The following TBC1D5 variants were observed in gnomAD, a reference collection of about 807,000 sequenced individuals.
The protein encoded by TBC1D5 is TBC1 domain family member 5, also known as TBC1 domain family, member 5.
TBC1D5 carries 75 observed loss-of-function variants against 100.3 expected under a neutral mutation model. That is an observed-to-expected ratio of 0.75 (90% CI 0.62 to 0.91). The LOEUF (loss-of-function observed/expected upper bound fraction) is 0.91. Ranked by LOEUF, TBC1D5 falls within the 40% of genes least tolerant of loss-of-function variation. The pLI is 0.00. For missense variants in TBC1D5, 910 were observed against 942.4 expected (o/e 0.97, Z 0.45); for synonymous variants, 323 against 325.6 (o/e 0.99, Z 0.09).
Position 17,404,888 on chromosome 3 carries a change from C to T in TBC1D5, c.350G>A (p.Ser117Asn). Residue 117 changes from serine (S) to asparagine (N), a missense_variant, in exon 6 of 22, where the codon AGC becomes AAC. Coordinates refer to ENST00000253692, the Ensembl canonical transcript of TBC1D5. The stretch of plus-strand genomic sequence containing the variant: ...TTTACTTACTATTTCTTTAATGTTG[C>T]TATACCATGCTCTTAATTCTTCAAT... The T allele has an allele frequency of 6.3e-7, 1 of 1,594,154 alleles. No individual in the cohort carries two copies. The highest frequency in any genetic ancestry group is 1.7e-5 in the Admixed American group (1 of 58,622).
chr3:17,489,611 G>A (rs2095613127), intron 3 of TBC1D5, among the ~76,000 whole-genome samples: 1 of 152,108 alleles, frequency 6.6e-6, no homozygotes, highest in African/African-American at 2.4e-5. Context: ...AATTTGCTGA[G>A]GATAATGGCT....
At chr3:17,716,013 T>G (rs905104452) in intron 1 of TBC1D5, among the ~76,000 whole-genome samples, 1 of 151,936 alleles carries the variant, frequency 6.6e-6, no homozygotes, top group Non-Finnish European at 1.5e-5. Flanking sequence ...GACCATGCCG[T>G]TGGACTCCAG....
intron 3 of TBC1D5, among the ~76,000 whole-genome samples, chr3:17,479,358 G>A (rs1427492915): frequency 3.3e-5 from 5 of 152,134 alleles, no homozygotes; most frequent in Non-Finnish European, 5.9e-5. Context: ...AACTGTGATC[G>A]CACCACTGTG....
intron 1 of TBC1D5, among the ~76,000 whole-genome samples, chr3:17,713,167 A>G (rs1196737462): frequency 6.6e-6 from 1 of 152,160 alleles, no homozygotes; most frequent in Non-Finnish European, 1.5e-5. Context: ...TGACACCAAA[A>G]GTATAAATAA....
rs2083594723 is a variant in TBC1D5, at chr3:17,308,147, A to G, written c.996-13T>C. The G allele has an allele frequency of 6.4e-7, 1 of 1,565,060 alleles. No homozygotes were observed. Among genetic ancestry groups the G allele is most frequent in the South Asian group, 1.2e-5 (1 of 82,582 alleles). On this transcript the variant is annotated splice_polypyrimidine_tract_variant and intron_variant, in intron 13 of 21. Coordinates refer to ENST00000253692, the Ensembl canonical transcript of TBC1D5. ...CCGCACCCACCTTCTGGAAAGAAAC[A>G]AAACAAAAATTCAGAAGACAGTACT...
chr3:17,173,090 G>A (rs1438459656), intron 19 of TBC1D5, among the ~76,000 whole-genome samples: 2 of 152,120 alleles, frequency 1.3e-5, no homozygotes, highest in Admixed American at 6.5e-5. Flanking sequence ...TCATTTGTAC[G>A]TGCCATGTTA....
At chr3:17,497,087 GACACACACACACACACACACACAC>G (rs71049202) in intron 3 of TBC1D5, among the ~76,000 whole-genome samples, 7 of 128,988 alleles carry the variant, frequency 5.4e-5, no homozygotes, top group Non-Finnish European at 9.8e-5. Context: ...CTCTCTCTCT[GACACACACACACACACACACACAC>G]ACACACACAC....
chr3:17,545,088 G>T (rs1313678863), intron 2 of TBC1D5, among the ~76,000 whole-genome samples: 1 of 151,808 alleles, frequency 6.6e-6, no homozygotes, highest in Non-Finnish European at 1.5e-5. Flanking sequence ...TAAAAGCTGT[G>T]ATTTTTTTTT....
chr3:17,401,193 C>T (rs980006720), intron 8 of TBC1D5, among the ~76,000 whole-genome samples: 5 of 151,206 alleles, frequency 3.3e-5, no homozygotes, highest in Admixed American at 2.0e-4. Context: ...AGTAGAGATA[C>T]ATTTTAAGAA....
intron 15 of TBC1D5, among the ~76,000 whole-genome samples, chr3:17,281,337 A>G (rs1236846920): frequency 6.6e-6 from 1 of 152,192 alleles, no homozygotes; most frequent in African/African-American, 2.4e-5. Flanking sequence ...AAAAACAACT[A>G]AGTAAATAAA....
intron 3 of TBC1D5, among the ~76,000 whole-genome samples, chr3:17,454,395 T>C (rs2095002523): frequency 6.6e-6 from 1 of 152,174 alleles, no homozygotes; most frequent in African/African-American, 2.4e-5. Context: ...AAAAAAAAAC[T>C]AGTAGAACTG....
At chr3:17,498,269 G>GA (rs948201254) in intron 3 of TBC1D5, among the ~76,000 whole-genome samples, 18 of 150,058 alleles carry the variant, frequency 1.2e-4, no homozygotes, top group African/African-American at 3.4e-4. Context: ...AGTATTGTAT[G>GA]AAAAAAAAAT....
rs530587755 is a variant in TBC1D5, at chr3:17,693,363, C to T, written c.-101+45980G>A. ...CCGTGACAGACTGTACCTGGAAAAACGTAACACTCCCACCCAAAAACTGCG... is the reference window on the plus strand; with the variant it reads ...CCGTGACAGACTGTACCTGGAAAAATGTAACACTCCCACCCAAAAACTGCG... On this transcript the variant is annotated intron_variant, in intron 1 of 21. Coordinates refer to ENST00000253692, the Ensembl canonical transcript of TBC1D5. 1.2e-4 allele frequency among the ~76,000 whole-genome samples: 18 copies of T among 152,328 alleles called. No homozygotes were observed. In the South Asian group the frequency reaches 3.1e-3, roughly 26 times the overall value.
intron 16 of TBC1D5, among the ~76,000 whole-genome samples, chr3:17,251,708 A>G (rs929175191): frequency 1.3e-5 from 2 of 152,200 alleles, no homozygotes; most frequent in Admixed American, 6.5e-5. Flanking sequence ...TAGATTTTCC[A>G]TTACGTGTAT....
chr3:17,530,748 A>C (rs1232066000), intron 2 of TBC1D5, among the ~76,000 whole-genome samples: 2 of 152,236 alleles, frequency 1.3e-5, no homozygotes, highest in Non-Finnish European at 2.9e-5. Context: ...GATTATCTCA[A>C]TAGATGCAGA....
chr3:17,737,737 G>C (rs1488569879), intron 1 of TBC1D5, among the ~76,000 whole-genome samples: 2 of 151,594 alleles, frequency 1.3e-5, no homozygotes, highest in African/African-American at 4.8e-5. Context: ...AAAAAGTAAA[G>C]GTAAACACTC....
intron 21 of TBC1D5, among the ~76,000 whole-genome samples, chr3:17,163,453 T>G (rs1230169758): frequency 2.0e-5 from 3 of 152,160 alleles, no homozygotes; most frequent in Admixed American, 6.5e-5. Flanking sequence ...CTGGTGCCAT[T>G]TATAACATTT....
At chr3:17,537,513 G>T (rs367669984) in intron 2 of TBC1D5, among the ~76,000 whole-genome samples, 1 of 152,034 alleles carries the variant, frequency 6.6e-6, no homozygotes, top group African/African-American at 2.4e-5. Flanking sequence ...CAGTTGGGGG[G>T]CTCAGGATTT....
At chr3:17,729,429 C>T (rs779688929) in intron 1 of TBC1D5, among the ~76,000 whole-genome samples, 6 of 152,004 alleles carry the variant, frequency 3.9e-5, no homozygotes, top group South Asian at 2.1e-4. Context: ...GAAACCAGGC[C>T]GGGCGAGGTG....
Sources: allele counts gnomAD v4.1 joint callset (sites outside exome capture counted in the v4.1 genomes callset), GRCh38; gene constraint gnomAD v4.1.1; transcripts MANE v1.5; gene names NCBI Gene and HGNC (gene_info 2026-07-23, HGNC 2026-07-21).